Variants in PTPA observed in about 807,000 individuals in gnomAD.
PTPA encodes protein phosphatase 2 phosphatase activator, also known as serine/threonine-protein phosphatase 2A activator.
In PTPA, 13 loss-of-function variants were observed where a neutral mutation model predicts 43.6. That is an observed-to-expected ratio of 0.30 (90% confidence interval 0.19 to 0.47). The LOEUF is 0.47. Ranked by LOEUF, PTPA falls within the 20% of genes least tolerant of loss-of-function variation. PTPA has a pLI of 0.99. For missense variants in PTPA, 329 were observed against 411.9 expected (o/e 0.80, Z 1.74); for synonymous variants, 172 against 158.2 (o/e 1.09, Z -0.66).
intron 8 of PTPA, chr9:129,140,142 C>G (rs1349964147): frequency 6.6e-6 from 1 of 151,504 alleles, no homozygotes; most frequent in Non-Finnish European, 1.5e-5. Flanking sequence ...GAGGCAGGAA[C>G]GCAGCGTCTG....
At chr9:129,145,182 T>C (rs1187926633) in intron 9 of PTPA, among the ~76,000 whole-genome samples, 1 of 151,882 alleles carries the variant, frequency 6.6e-6, no homozygotes, top group Non-Finnish European at 1.5e-5. Context: ...AATACAAAAA[T>C]TAGCCTGGCA....
chr9:129,137,528 G>C, intron 7 of PTPA, 64 bp from the exon 8 acceptor site: 1 of 1,362,606 alleles, frequency 7.3e-7, no homozygotes, highest in Non-Finnish European at 1.0e-6. Context: ...GTGACTGCTG[G>C]GCCGGGTTGC....
At chr9:129,141,819 G>GATA (rs1850862952) in intron 8 of PTPA, 1 of 152,310 alleles carries the variant, frequency 6.6e-6, no homozygotes, top group Non-Finnish European at 1.5e-5. Context: ...TGCCTGCATG[G>GATA]CAGGCAGAGG....
At position 129,127,904 on chromosome 9, in the gene PTPA, T is replaced by C. The variant is rs1266864280; in HGVS notation, c.217-1081T>C. The C allele has an allele frequency of 1.4e-5, 16 of 1,108,052 alleles. No individual in the cohort carries two copies. In the Admixed American group the frequency reaches 2.6e-4, roughly 18 times the overall value. 68.6% of individuals were successfully genotyped at this position (1,108,052 alleles called of 1,614,324 possible). ...AGGAATTAAATTAATTATAATGCAG[T>C]GGCACGATGAAATGTTATTCACTTA... On this transcript the variant is annotated intron_variant, in intron 3 of 9. Transcript: ENST00000393370.
At chr9:129,117,332 G>C (rs916491097) in intron 1 of PTPA, among the ~76,000 whole-genome samples, 1 of 151,416 alleles carries the variant, frequency 6.6e-6, no homozygotes, top group African/African-American at 2.4e-5. Flanking sequence ...TAGGCGGGAG[G>C]CACTGTGCCT....
chr9:129,116,126 T>G (rs1004597440), intron 1 of PTPA, among the ~76,000 whole-genome samples: 40 of 151,310 alleles, frequency 2.6e-4, no homozygotes, highest in Admixed American at 4.6e-4. Context: ...GTTCAAGCGA[T>G]TCTGCCTGCC....
chr9:129,141,405 C>T (rs186444217), intron 8 of PTPA, among the ~76,000 whole-genome samples: 3 of 152,318 alleles, frequency 2.0e-5, no homozygotes, highest in Admixed American at 2.0e-4. Context: ...TTGCCAGATT[C>T]AGCCTCTTTG....
At chr9:129,145,308 G>A (rs1320025685) in intron 9 of PTPA, among the ~76,000 whole-genome samples, 1 of 151,370 alleles carries the variant, frequency 6.6e-6, no homozygotes, top group Non-Finnish European at 1.5e-5. Flanking sequence ...TCCAGCCTGG[G>A]CAACAGCGAG....
chr9:129,140,247 T>C (rs906728611), intron 8 of PTPA: 2 of 152,698 alleles, frequency 1.3e-5, no homozygotes, highest in African/African-American at 4.8e-5. Flanking sequence ...TGGTTCTTTC[T>C]CTTCTCCCTT....
intron 5 of PTPA, 89 bp from the exon 6 acceptor site, chr9:129,134,706 A>G: frequency 9.6e-7 from 1 of 1,044,148 alleles, no homozygotes; most frequent in East Asian, 2.4e-5. Context: ...TCAGAGGGGC[A>G]CTTATCAATG....
At chr9:129,131,063 C>T (rs1264709275) in intron 4 of PTPA, among the ~76,000 whole-genome samples, 2 of 151,574 alleles carry the variant, frequency 1.3e-5, no homozygotes, top group African/African-American at 2.4e-5. Context: ...TGTTGATGGA[C>T]ATTTCCATTG....
rs764248416 is a variant in PTPA, at chr9:129,147,371, T to C, written c.895-16T>C. 62 of 1,613,300 alleles carry C rather than the reference T, an allele frequency of 3.8e-5. No homozygotes were observed. Among genetic ancestry groups the C allele is most frequent in the Non-Finnish European group, 2.6e-5 (31 of 1,179,524 alleles). ...TGTGGCCCTCACCACTCTGCTCACC[T>C]GCTCCTTCCTCACAGTGCCTGGAGA... On this transcript the variant is annotated splice_polypyrimidine_tract_variant and intron_variant, in intron 9 of 9. Coordinates refer to ENST00000393370, the MANE Select transcript of PTPA (RefSeq NM_178000.3).
chr9:129,121,021 A>C (rs753010344), intron 2 of PTPA, among the ~76,000 whole-genome samples: 16 of 152,210 alleles, frequency 1.1e-4, no homozygotes, highest in Non-Finnish European at 2.4e-4. Context: ...GGCCAGGGAT[A>C]TGGCTAAGCC....
At chr9:129,143,436 C>T (rs532311723) in intron 9 of PTPA, 101 of 702,838 alleles carry the variant, frequency 1.4e-4, no homozygotes, top group Non-Finnish European at 2.4e-4. Flanking sequence ...TCTCTTGACT[C>T]CTGGCCGGCC....
intron 1 of PTPA, 79 bp from the exon 2 acceptor site, chr9:129,120,434 A>G: frequency 1.0e-6 from 1 of 973,550 alleles, no homozygotes; most frequent in Non-Finnish European, 1.5e-6. Flanking sequence ...CAAGAAAAAA[A>G]AAAAAGGTGA....
intron 3 of PTPA, among the ~76,000 whole-genome samples, chr9:129,125,427 T>G (rs963840780): frequency 6.6e-6 from 1 of 152,112 alleles, no homozygotes; most frequent in Non-Finnish European, 1.5e-5. Flanking sequence ...AATTTTTGTA[T>G]TTTTAGTAGA....
chr9:129,112,582 G>A (rs532659056), intron 1 of PTPA, among the ~76,000 whole-genome samples: 41 of 152,154 alleles, frequency 2.7e-4, no homozygotes, highest in Non-Finnish European at 4.9e-4. Flanking sequence ...GCTGGGTTCC[G>A]TTTCTTAGGA....
At chr9:129,121,902 GTCATCCCA>G (rs1040129706) in intron 2 of PTPA, among the ~76,000 whole-genome samples, 8 of 152,222 alleles carry the variant, frequency 5.3e-5, no homozygotes, top group African/African-American at 1.9e-4. Flanking sequence ...CCTGCTGGGG[GTCATCCCA>G]TGGCTGGCAG....
intron 3 of PTPA, among the ~76,000 whole-genome samples, 200 bp downstream of exon 3, chr9:129,123,338 G>A (rs1016322683): frequency 1.3e-5 from 2 of 152,074 alleles, no homozygotes; most frequent in Non-Finnish European, 2.9e-5. Flanking sequence ...CGGGTGTGGT[G>A]ACGGGCGCCT....
Sources: gnomAD v4.1 joint callset for allele counts (sites outside exome capture counted in the v4.1 genomes callset) on GRCh38, gnomAD v4.1.1 for gene constraint, MANE v1.5 for transcripts, NCBI Gene and HGNC (gene_info 2026-07-23, HGNC 2026-07-21) for gene names.